Variants in NLRP4 observed in about 807,000 individuals in gnomAD.
NLRP4 encodes NLR family pyrin domain containing 4.
Under a neutral mutation model 84.7 loss-of-function variants are expected in NLRP4, and 44 were observed. That is an observed-to-expected ratio of 0.52 (90% CI 0.41 to 0.67). NLRP4 has a LOEUF of 0.67. Among genes scored for constraint, NLRP4 ranks in the 30% least tolerant of loss-of-function variants. The pLI, the probability that NLRP4 is intolerant of heterozygous loss-of-function variation, is 0.00. For missense variants in NLRP4, 1,260 were observed against 1,219.4 expected, an observed-to-expected ratio of 1.03 and a Z score of -0.50; for synonymous variants, 544 against 476.4, an observed-to-expected ratio of 1.14 and a Z score of -1.85.
At position 55,853,909 on chromosome 19, in the gene NLRP4, CTCTT is replaced by C. The variant is rs1163985562; in HGVS notation, c.280+1557_280+1560del. ...TCTCTTTCTCTCTCTCTCTCTCTTTCTCTTTCTTTCTCTTTCTCTTTCTCTCTCT... is the reference window on the plus strand; with the variant it reads ...TCTCTTTCTCTCTCTCTCTCTCTTTCTCTTTCTCTTTCTCTTTCTCTCTCT... On this transcript the variant is annotated intron_variant, in intron 2 of 9. Coordinates refer to ENST00000301295, the MANE Select transcript of NLRP4 (RefSeq NM_134444.5). Among the ~76,000 whole-genome samples, 149 of 123,314 alleles carry C rather than the reference CTCTT, an allele frequency of 1.2e-3. 15 individuals carry two copies. The highest frequency in any genetic ancestry group is 6.1e-3 in the African/African-American group (139 of 22,934). 80.9% of individuals were successfully genotyped at this position (123,314 alleles called of 152,430 possible).
At chr19:55,874,815 T>C (rs1011822302) in intron 7 of NLRP4, among the ~76,000 whole-genome samples, 7 of 152,132 alleles carry the variant, frequency 4.6e-5, no homozygotes. Context: ...TTACAATTTT[T>C]GTAAGAAAGC....
intron 7 of NLRP4, among the ~76,000 whole-genome samples, chr19:55,873,216 C>CGG (rs1985255670): frequency 1.3e-5 from 2 of 151,790 alleles, no homozygotes; most frequent in African/African-American, 4.8e-5. Flanking sequence ...GGGTAGATCT[C>CGG]TGGATAAATC....
intron 5 of NLRP4, among the ~76,000 whole-genome samples, chr19:55,862,877 G>A (rs1461346713): frequency 6.6e-6 from 1 of 152,238 alleles, no homozygotes; most frequent in Non-Finnish European, 1.5e-5. Flanking sequence ...TGAGAACTTG[G>A]ATAGGGAAGT....
At chr19:55,840,384 ATTTTC>A (rs1983566434) in intron 1 of NLRP4, among the ~76,000 whole-genome samples, 2 of 133,956 alleles carry the variant, frequency 1.5e-5, no homozygotes, top group Non-Finnish European at 3.2e-5. Flanking sequence ...GTGTATACAT[ATTTTC>A]TTTTTTCTTT....
intron 3 of NLRP4, among the ~76,000 whole-genome samples, chr19:55,859,948 A>AAC (rs1555809137): frequency 9.4e-6 from 1 of 106,380 alleles, no homozygotes; most frequent in African/African-American, 3.5e-5. Flanking sequence ...AAAAAAAAAA[A>AAC]AAAACAAAAC....
chr19:55,879,469 G>T (rs1039139224), intron 9 of NLRP4, among the ~76,000 whole-genome samples: 1 of 151,848 alleles, frequency 6.6e-6, no homozygotes, highest in African/African-American at 2.4e-5. Flanking sequence ...TTTGCATAGG[G>T]TGTGAATTTC....
intron 8 of NLRP4, among the ~76,000 whole-genome samples, chr19:55,877,621 G>T (rs192232894): frequency 1.1e-4 from 17 of 152,246 alleles, no homozygotes; most frequent in Admixed American, 1.0e-3. Flanking sequence ...TCACTTCACG[G>T]TTATGGAGGC....
Position 55,862,007 on chromosome 19 carries a change from C to A in NLRP4, c.2034C>A (p.Ser678=), listed in dbSNP as rs760366379. Reference sequence around the variant, plus strand: ...GTTTTTGCAGAATAAATAACGTTTCCTTTTCTGGCCAGAGTGTTCTGCTCT... The same window carrying A: ...GTTTTTGCAGAATAAATAACGTTTCATTTTCTGGCCAGAGTGTTCTGCTCT... ...RLQKLGINNV[S]FSGQSVLLFE... The change falls in exon 5 of 10, where the codon TCC becomes TCA. Residue 678 remains serine (S), a synonymous_variant. Transcript: ENST00000301295. 1.2e-6 allele frequency: 2 copies of A among 1,613,602 alleles called. No homozygotes were observed. The highest frequency in any genetic ancestry group is 8.5e-7 in the Non-Finnish European group (1 of 1,179,666).
intron 1 of NLRP4, among the ~76,000 whole-genome samples, chr19:55,842,597 C>G (rs532446987): frequency 6.6e-6 from 1 of 152,022 alleles, no homozygotes; most frequent in African/African-American, 2.4e-5. Flanking sequence ...ACAAGACTGA[C>G]TCTATAAAGC....
chr19:55,865,954 T>C (rs1984938283), intron 5 of NLRP4, among the ~76,000 whole-genome samples: 1 of 152,230 alleles, frequency 6.6e-6, no homozygotes, highest in Non-Finnish European at 1.5e-5. Flanking sequence ...TTCTTTTGTC[T>C]CATGTGCTTT....
intron 7 of NLRP4, among the ~76,000 whole-genome samples, chr19:55,872,789 A>G (rs970451084): frequency 2.0e-5 from 3 of 152,332 alleles, no homozygotes. Flanking sequence ...TCTGTAACCA[A>G]TGAAAGATTC....
chr19:55,860,537 G>A (rs777111721), intron 3 of NLRP4, among the ~76,000 whole-genome samples: 4 of 152,126 alleles, frequency 2.6e-5, no homozygotes, highest in East Asian at 3.9e-4. Context: ...AGCCATGATC[G>A]TGCCACTGTA....
chr19:55,869,261 A>G (rs1488961838), intron 6 of NLRP4, among the ~76,000 whole-genome samples: 2 of 151,952 alleles, frequency 1.3e-5, no homozygotes, highest in Admixed American at 6.6e-5. Flanking sequence ...TCTCGAGGGA[A>G]GCTGAGGCTG....
intron 2 of NLRP4, among the ~76,000 whole-genome samples, chr19:55,853,913 T>TTCTTTCTCTTTC: frequency 7.2e-6 from 1 of 139,628 alleles, no homozygotes; most frequent in Non-Finnish European, 1.5e-5. Flanking sequence ...CTCTTTCTCT[T>TTCTTTCTCTTTC]TCTTTCTCTT....
chr19:55,857,647 T>A, intron 2 of NLRP4, 27 bp from the exon 3 acceptor site: 1 of 1,602,772 alleles, frequency 6.2e-7, no homozygotes, highest in Non-Finnish European at 8.5e-7. Flanking sequence ...TTGTGGGTTT[T>A]CTCTCCTCTT....
At chr19:55,872,529 A>G (rs2123061014) in intron 7 of NLRP4, among the ~76,000 whole-genome samples, 1 of 152,336 alleles carries the variant, frequency 6.6e-6, no homozygotes, top group African/African-American at 2.4e-5. Flanking sequence ...AAAGGAGATG[A>G]AATGAGCAAA....
rs746632865 is a variant in NLRP4, at chr19:55,877,150, C to T, written c.2680C>T (p.Arg894Cys). The T allele has an allele frequency of 4.4e-5, 71 of 1,613,492 alleles. No individual in the cohort carries two copies. The highest frequency in any genetic ancestry group is 1.6e-4 in the Middle Eastern group (1 of 6,078). Residue 894 changes from arginine to cysteine, a missense_variant, in exon 8 of 10, where the codon CGC becomes TGC. Arg to Cys is a radical substitution (Grantham distance 180, BLOSUM62 -3). This residue lies in a region of NLRP4 where 544 missense variants were observed against 531.7 expected (regional missense o/e 1.02). Coordinates refer to ENST00000301295, the MANE Select transcript of NLRP4 (RefSeq NM_134444.5). ...TCGGGCTCTGACGCATACGGATTGC[C>T]GCTTAGAGATTCTTGGGTGGGTATC... ...LCRALTHTDC[R>C]LEILGLEECG...
At chr19:55,845,141 G>A (rs369008736) in intron 1 of NLRP4, among the ~76,000 whole-genome samples, 2 of 149,760 alleles carry the variant, frequency 1.3e-5, no homozygotes, top group East Asian at 2.0e-4. Flanking sequence ...TCGTCATTTA[G>A]CATTAGGTAC....
intron 2 of NLRP4, among the ~76,000 whole-genome samples, chr19:55,852,811 CTT>C (rs35935257): frequency 0.026 from 3,903 of 152,242 alleles, 86 homozygotes; most frequent in East Asian, 0.091. Context: ...GAAATGGTCT[CTT>C]AGACGTGGTG....
Sources: gnomAD v4.1 joint callset for allele counts (sites outside exome capture counted in the v4.1 genomes callset) on GRCh38, gnomAD v4.1.1 for gene constraint, gnomAD v4.1.1 regional missense constraint, MANE v1.5 for transcripts, NCBI Gene and HGNC (gene_info 2026-07-23, HGNC 2026-07-21) for gene names.